The following FAM227B variants were observed in gnomAD, a reference collection of about 807,000 sequenced individuals.
FAM227B encodes protein FAM227B.
A neutral mutation model predicts 73.8 loss-of-function variants in FAM227B; 88 were observed. That is an observed-to-expected ratio of 1.19 (90% CI 1.00 to 1.42). The LOEUF (loss-of-function observed/expected upper bound fraction) is 1.42. Among genes scored for constraint, FAM227B ranks in the 40% most tolerant of loss-of-function variants. FAM227B has a pLI of 0.00. For synonymous variants in FAM227B, 210 were observed against 190.5 expected (o/e 1.10, Z -0.84); for missense variants, 632 against 590.9 (o/e 1.07, Z -0.72).
At chr15:49,489,306 C>T (rs2056675639) in intron 11 of FAM227B, 1 of 982,796 alleles carries the variant, frequency 1.0e-6, no homozygotes. Flanking sequence ...AGTGGGCATC[C>T]ATTCATCAGA....
intron 3 of FAM227B, among the ~76,000 whole-genome samples, chr15:49,600,391 T>C (rs1435969539): frequency 6.6e-6 from 1 of 151,258 alleles, no homozygotes; most frequent in African/African-American, 2.4e-5. Flanking sequence ...TGGTGGCTCA[T>C]GCCTGTAATC....
At chr15:49,470,150 A>T (rs2054608798) in intron 11 of FAM227B, among the ~76,000 whole-genome samples, 3 of 152,162 alleles carry the variant, frequency 2.0e-5, no homozygotes, top group Non-Finnish European at 2.9e-5. Flanking sequence ...AAATGATGGA[A>T]TTCTAAAATG....
chr15:49,557,960 C>T (rs1197274081), intron 9 of FAM227B, among the ~76,000 whole-genome samples: 1 of 152,170 alleles, frequency 6.6e-6, no homozygotes, highest in East Asian at 1.9e-4. Context: ...GTAGGCAAGG[C>T]TTGCCAGCAT....
chr15:49,378,821 G>A (rs1049044974), intron 11 of FAM227B, among the ~76,000 whole-genome samples: 1 of 152,026 alleles, frequency 6.6e-6, no homozygotes, highest in Non-Finnish European at 1.5e-5. Flanking sequence ...GCTCTAGCTA[G>A]GACTTCCAGT....
At chr15:49,617,776 TTG>T (rs67917912) in intron 1 of FAM227B, among the ~76,000 whole-genome samples, 4,873 of 147,984 alleles carry the variant, frequency 0.033, 137 homozygotes, top group African/African-American at 0.075. Flanking sequence ...CTTTCATGTT[TTG>T]TGTGTGTGTG....
At chr15:49,415,475 G>C (rs2049148826) in intron 11 of FAM227B, among the ~76,000 whole-genome samples, 1 of 151,874 alleles carries the variant, frequency 6.6e-6, no homozygotes, top group South Asian at 2.1e-4. Flanking sequence ...AGACAATCTA[G>C]AATGAATTAC....
At chr15:49,409,066 T>G (rs1163871425) in intron 11 of FAM227B, among the ~76,000 whole-genome samples, 1 of 152,222 alleles carries the variant, frequency 6.6e-6, no homozygotes, top group Non-Finnish European at 1.5e-5. Context: ...ATGTTTGTCA[T>G]CTTTGGTTCA....
chr15:49,518,933 G>A (rs556430175), intron 10 of FAM227B, among the ~76,000 whole-genome samples: 1 of 152,176 alleles, frequency 6.6e-6, no homozygotes, highest in African/African-American at 2.4e-5. Flanking sequence ...GACAAAGCAA[G>A]TCTCTTCTGA....
intron 11 of FAM227B, among the ~76,000 whole-genome samples, chr15:49,408,069 A>AT (rs2048639571): frequency 6.6e-6 from 1 of 152,104 alleles, no homozygotes; most frequent in South Asian, 2.1e-4. Context: ...TGTATCCCAC[A>AT]TTTCCTCTTG....
intron 11 of FAM227B, among the ~76,000 whole-genome samples, chr15:49,379,101 C>T (rs779513390): frequency 2.0e-5 from 3 of 152,012 alleles, no homozygotes; most frequent in Non-Finnish European, 2.9e-5. Flanking sequence ...TTACATTGAT[C>T]GATTTGCATA....
intron 13 of FAM227B, among the ~76,000 whole-genome samples, chr15:49,344,519 A>G (rs1347718858): frequency 6.6e-6 from 1 of 152,184 alleles, no homozygotes; most frequent in Non-Finnish European, 1.5e-5. Context: ...GTGTGTTCCA[A>G]TATGACACTT....
At chr15:49,572,811 A>G (rs2075201191) in intron 8 of FAM227B, among the ~76,000 whole-genome samples, 1 of 152,024 alleles carries the variant, frequency 6.6e-6, no homozygotes, top group Non-Finnish European at 1.5e-5. Flanking sequence ...TGTTTCTTCT[A>G]TGGTCACTCA....
At chr15:49,478,197 G>T (rs1175285205) in intron 11 of FAM227B, among the ~76,000 whole-genome samples, 2 of 152,144 alleles carry the variant, frequency 1.3e-5, no homozygotes, top group East Asian at 3.9e-4. Flanking sequence ...GTGTTAATTT[G>T]CTTAGGATAA....
chr15:49,602,357 T>C (rs1377864870), intron 3 of FAM227B, among the ~76,000 whole-genome samples: 2 of 140,090 alleles, frequency 1.4e-5, no homozygotes, highest in Admixed American at 7.1e-5. Flanking sequence ...TGAGATTGTA[T>C]GTCACTATAG....
At chr15:49,618,029 C>G (rs2078409892) in intron 1 of FAM227B, among the ~76,000 whole-genome samples, 1 of 152,104 alleles carries the variant, frequency 6.6e-6, no homozygotes, top group South Asian at 2.1e-4. Context: ...TCTTGTCTTC[C>G]TCTCATAAGA....
chr15:49,355,059 G>C (rs1037961135), intron 13 of FAM227B, among the ~76,000 whole-genome samples: 7 of 150,632 alleles, frequency 4.6e-5, no homozygotes, highest in African/African-American at 1.7e-4. Flanking sequence ...CTAACAAACA[G>C]AAAGGACATC....
chr15:49,395,974 C>G, intron 11 of FAM227B: 1 of 455,942 alleles, frequency 2.2e-6, no homozygotes, highest in Non-Finnish European at 4.4e-6. Context: ...GTTAATCTTA[C>G]CAAAACTGGG....
chr15:49,493,074 C>G (rs567464529), intron 11 of FAM227B, among the ~76,000 whole-genome samples: 2 of 152,022 alleles, frequency 1.3e-5, no homozygotes, highest in Admixed American at 1.3e-4. Context: ...GATTGCTCAA[C>G]TCTTCTTACC....
intron 3 of FAM227B, among the ~76,000 whole-genome samples, chr15:49,605,987 G>C (rs2077495165): frequency 6.6e-6 from 1 of 152,112 alleles, no homozygotes; most frequent in African/African-American, 2.4e-5. Context: ...AAAGTTATGT[G>C]CTCACTTCAT....
Sources: gnomAD v4.1 joint callset for allele counts (sites outside exome capture counted in the v4.1 genomes callset) on GRCh38, gnomAD v4.1.1 for gene constraint, MANE v1.5 for transcripts, NCBI Gene and HGNC (gene_info 2026-07-23, HGNC 2026-07-21) for gene names.